Variants in PHF21B observed in about 807,000 individuals in gnomAD.
PHF21B encodes PHD finger protein 21B, also known as PHD finger protein 4.
A neutral mutation model predicts 62.2 loss-of-function variants in PHF21B; 22 were observed. The observed-to-expected ratio is 0.35, with a 90% CI of 0.25 to 0.51. The LOEUF (loss-of-function observed/expected upper bound fraction) is 0.51, where lower values mean the gene tolerates loss of function less well. PHF21B is among the 20% of genes least tolerant of loss of function. PHF21B has a pLI of 0.97. For synonymous variants in PHF21B, 341 were observed against 314.7 expected, an observed-to-expected ratio of 1.08 and a Z score of -0.88; for missense variants, 701 against 707.9, an observed-to-expected ratio of 0.99 and a Z score of 0.11.
At chr22:44,943,182 C>T (rs570554550) in intron 2 of PHF21B, among the ~76,000 whole-genome samples, 39 of 152,262 alleles carry the variant, frequency 2.6e-4, no homozygotes, top group Non-Finnish European at 5.6e-4. Context: ...CGTGCCAGCA[C>T]CCGCTCCCCC....
At chr22:44,950,508 G>A (rs1394347269) in intron 2 of PHF21B, among the ~76,000 whole-genome samples, 1 of 152,106 alleles carries the variant, frequency 6.6e-6, no homozygotes, top group African/African-American at 2.4e-5. Context: ...TAAGAGTGAC[G>A]CTCTCAGTGC....
intron 2 of PHF21B, among the ~76,000 whole-genome samples, chr22:44,980,174 C>T (rs575525614): frequency 2.0e-5 from 3 of 152,188 alleles, no homozygotes; most frequent in South Asian, 4.2e-4. Flanking sequence ...AACCACCACC[C>T]CTGCCAAGTT....
At chr22:44,945,836 A>C (rs1439876818) in intron 2 of PHF21B, among the ~76,000 whole-genome samples, 1 of 152,082 alleles carries the variant, frequency 6.6e-6, no homozygotes, top group East Asian at 1.9e-4. Context: ...AGTGCCTCCC[A>C]GATGGTACCA....
intron 2 of PHF21B, among the ~76,000 whole-genome samples, chr22:44,925,062 A>C (rs975964977): frequency 1.2e-4 from 18 of 152,270 alleles, no homozygotes; most frequent in Non-Finnish European, 2.5e-4. Context: ...AAATATCCAT[A>C]CTGTATGATG....
intron 2 of PHF21B, among the ~76,000 whole-genome samples, chr22:44,996,261 CCA>C (rs2073121449): frequency 6.6e-6 from 1 of 152,240 alleles, no homozygotes; most frequent in South Asian, 2.1e-4. Flanking sequence ...AATTACACAG[CCA>C]CAGAGTCCCT....
rs2147297900 is a variant in PHF21B, at chr22:44,914,071, G to A, written c.582C>T (p.Leu194=). The A allele has an allele frequency of 9.3e-6, 11 of 1,177,004 alleles. No individual in the cohort carries two copies. The highest frequency in any genetic ancestry group is 1.2e-5 in the Non-Finnish European group (10 of 817,816). The allele number at this position is 1,177,004 out of a possible 1,614,324, so 72.9% of individuals were successfully genotyped here. The change falls in exon 5 of 13, where the codon CTC becomes CTT. Residue 194 remains leucine, a synonymous_variant. Transcript: ENST00000313237. ...GATGGGTTGCGGGGTGAGGGGAAGAGAGGAGGCGTGGAGGAGGCTGGAGAG... is the reference window on the plus strand; with the variant it reads ...GATGGGTTGCGGGGTGAGGGGAAGAAAGGAGGCGTGGAGGAGGCTGGAGAG... ...SADNKPPPRL[L]SSPHPATHHC...
At chr22:44,999,216 C>T (rs2073170378) in intron 2 of PHF21B, among the ~76,000 whole-genome samples, 5 of 152,234 alleles carry the variant, frequency 3.3e-5, no homozygotes, top group Admixed American at 2.6e-4. Flanking sequence ...ACAGAGCAAT[C>T]TTCAGAAAGC....
At chr22:44,998,903 C>G (rs1022389910) in intron 2 of PHF21B, among the ~76,000 whole-genome samples, 5 of 152,220 alleles carry the variant, frequency 3.3e-5, no homozygotes, top group Non-Finnish European at 5.9e-5. Flanking sequence ...CCAACACCCC[C>G]ACTTTGAGAC....
At chr22:44,950,682 C>A (rs1312157876) in intron 2 of PHF21B, among the ~76,000 whole-genome samples, 1 of 152,152 alleles carries the variant, frequency 6.6e-6, no homozygotes, top group East Asian at 1.9e-4. Flanking sequence ...CACTGGATAG[C>A]CAGTGGTCAC....
intron 2 of PHF21B, among the ~76,000 whole-genome samples, chr22:44,921,088 T>C (rs145963087): frequency 6.6e-6 from 1 of 152,346 alleles, no homozygotes; most frequent in Non-Finnish European, 1.5e-5. Context: ...ATATCTGCAC[T>C]GGGTCCCTCA....
At chr22:45,007,188 G>A (rs1195827325) in intron 2 of PHF21B, among the ~76,000 whole-genome samples, 1 of 150,486 alleles carries the variant, frequency 6.6e-6, no homozygotes, top group East Asian at 2.0e-4. Context: ...CCAGGCGCGG[G>A]CCGCGGCACT....
At chr22:44,964,492 C>T (rs894482011) in intron 2 of PHF21B, among the ~76,000 whole-genome samples, 3 of 152,220 alleles carry the variant, frequency 2.0e-5, no homozygotes, top group African/African-American at 4.8e-5. Flanking sequence ...TCTTCAGCAG[C>T]GAAACAACAG....
intron 2 of PHF21B, among the ~76,000 whole-genome samples, chr22:44,961,076 C>A (rs962572359): frequency 6.6e-6 from 1 of 150,710 alleles, no homozygotes; most frequent in Non-Finnish European, 1.5e-5. Context: ...CATGCCTCAG[C>A]CTCCCGAGTA....
rs962401258 is a variant in PHF21B at position 44,996,466 on chromosome 22, G to A, written c.120+12079C>T. 3.9e-5 allele frequency among the ~76,000 whole-genome samples: 6 copies of A among 151,954 alleles called. No individual in the cohort carries two copies. In the South Asian group the frequency reaches 8.3e-4, roughly 21 times the overall value. On this transcript the variant is annotated intron_variant, in intron 2 of 12. Transcript: ENST00000313237. Reference sequence around the variant, plus strand: ...CAGGGTATTCCTCCAGACTGGGGGCGGAAATCAGCTTTCACCTAACTTTCA... The same window carrying A: ...CAGGGTATTCCTCCAGACTGGGGGCAGAAATCAGCTTTCACCTAACTTTCA...
At chr22:44,979,343 C>A (rs1268868803) in intron 2 of PHF21B, among the ~76,000 whole-genome samples, 1 of 152,226 alleles carries the variant, frequency 6.6e-6, no homozygotes, top group Non-Finnish European at 1.5e-5. Context: ...GAGCAGCCAA[C>A]ACTCCAGAGG....
intron 5 of PHF21B, among the ~76,000 whole-genome samples, chr22:44,897,642 C>T (rs1309878888): frequency 6.6e-6 from 1 of 152,078 alleles, no homozygotes; most frequent in Non-Finnish European, 1.5e-5. Context: ...CCCCCTTTAT[C>T]TTTTATTTAT....
intron 2 of PHF21B, among the ~76,000 whole-genome samples, chr22:44,961,865 T>TA (rs2072429555): frequency 6.6e-6 from 1 of 150,508 alleles, no homozygotes; most frequent in South Asian, 2.1e-4. Flanking sequence ...AATAAATAAA[T>TA]AAATAAATAA....
At chr22:44,958,061 C>T (rs1025262863) in intron 2 of PHF21B, among the ~76,000 whole-genome samples, 2 of 152,094 alleles carry the variant, frequency 1.3e-5, no homozygotes, top group Admixed American at 1.3e-4. Flanking sequence ...TGCTATCATG[C>T]CTGGCTAACT....
At chr22:44,885,842 C>T (rs1313767067) in intron 11 of PHF21B, 21 bp downstream of exon 11, 9 of 1,611,742 alleles carry the variant, frequency 5.6e-6, no homozygotes, top group African/African-American at 1.3e-5. Context: ...TACCCTTTTC[C>T]ACTCCCCAGG....
Sources: gnomAD v4.1 joint callset for allele counts (sites outside exome capture counted in the v4.1 genomes callset) on GRCh38, gnomAD v4.1.1 for gene constraint, MANE v1.5 for transcripts, NCBI Gene and HGNC (gene_info 2026-07-23, HGNC 2026-07-21) for gene names.